The following PCDH9 variants were observed in gnomAD, a reference collection of about 807,000 sequenced individuals.
PCDH9 encodes protocadherin 9.
Under a neutral mutation model 70.6 loss-of-function variants are expected in PCDH9, and 24 were observed. The observed-to-expected ratio is 0.34, with a 90% confidence interval of 0.25 to 0.48. The LOEUF (loss-of-function observed/expected upper bound fraction) is 0.48, where lower values mean the gene tolerates loss of function less well. PCDH9 is among the 20% of genes least tolerant of loss of function. The pLI is 0.99. For synonymous variants in PCDH9, 562 were observed against 558.5 expected, an observed-to-expected ratio of 1.01 and a Z score of -0.09; for missense variants, 1,281 against 1,503.6, an observed-to-expected ratio of 0.85 and a Z score of 2.45.
intron 3 of PCDH9, among the ~76,000 whole-genome samples, chr13:66,806,677 A>C (rs2080415512): frequency 6.6e-6 from 1 of 152,154 alleles, no homozygotes; most frequent in South Asian, 2.1e-4. Flanking sequence ...ACTTTAAGTG[A>C]AGCACTTTAT....
At chr13:66,418,721 C>G (rs1957506274) in intron 4 of PCDH9, among the ~76,000 whole-genome samples, 1 of 151,596 alleles carries the variant, frequency 6.6e-6, no homozygotes, top group African/African-American at 2.4e-5. Context: ...TAGCAGAGGA[C>G]AAGAAATAAC....
chr13:67,181,269 T>C (rs905932914), intron 2 of PCDH9, among the ~76,000 whole-genome samples: 1 of 152,044 alleles, frequency 6.6e-6, no homozygotes, highest in African/African-American at 2.4e-5. Context: ...GTGCAAATAA[T>C]TTTTTTTCAA....
At chr13:66,326,455 G>C (rs933231256) in intron 4 of PCDH9, among the ~76,000 whole-genome samples, 4 of 149,772 alleles carry the variant, frequency 2.7e-5, no homozygotes, top group African/African-American at 9.8e-5. Flanking sequence ...GTCTTGCTCC[G>C]TCGCCCAGGC....
chr13:66,793,107 A>G (rs915507024), intron 3 of PCDH9, among the ~76,000 whole-genome samples: 2 of 149,900 alleles, frequency 1.3e-5, no homozygotes, highest in African/African-American at 4.9e-5. Context: ...CATGTAATAT[A>G]TGCTTATATA....
chr13:66,313,889 A>G (rs373197841), intron 4 of PCDH9, among the ~76,000 whole-genome samples: 52 of 152,326 alleles, frequency 3.4e-4, no homozygotes, highest in African/African-American at 1.3e-3. Flanking sequence ...TTAAAGACAT[A>G]ATAATTTATA....
At position 66,549,356 on chromosome 13, in the gene PCDH9, AT is replaced by A. The variant is rs1310077384; in HGVS notation, c.3340+81853del. On this transcript the variant is annotated intron_variant, in intron 4 of 4. Coordinates refer to ENST00000377865, the MANE Select transcript of PCDH9 (RefSeq NM_203487.3). ...TGGTAGAATTGCTTTTACTTTTGTG[AT>A]TTTTTTTTGAAGTGAAATTCAGCTT... is the stretch of plus-strand genomic sequence containing the variant. Among the ~76,000 whole-genome samples, 25 of 150,980 alleles carry A rather than the reference AT, an allele frequency of 1.7e-4. No individual in the cohort carries two copies. The East Asian group carries it at 2.1e-3, about 13-fold the overall frequency.
chr13:66,997,437 C>A (rs761308056), intron 2 of PCDH9, among the ~76,000 whole-genome samples: 23 of 152,172 alleles, frequency 1.5e-4, no homozygotes, highest in Non-Finnish European at 3.2e-4. Context: ...CAGCACCAAG[C>A]CATTCATGAG....
chr13:66,733,204 T>C (rs2079100304), intron 3 of PCDH9, among the ~76,000 whole-genome samples: 1 of 151,980 alleles, frequency 6.6e-6, no homozygotes, highest in Non-Finnish European at 1.5e-5. Context: ...TTAGGGAGTG[T>C]TTTCATTTAC....
At chr13:66,572,892 T>G (rs1213179187) in intron 4 of PCDH9, among the ~76,000 whole-genome samples, 4 of 152,138 alleles carry the variant, frequency 2.6e-5, no homozygotes, top group African/African-American at 9.7e-5. Context: ...CCCAAGGAGT[T>G]GGGACCACAG....
At chr13:66,524,601 T>C (rs182942215) in intron 4 of PCDH9, among the ~76,000 whole-genome samples, 1 of 152,132 alleles carries the variant, frequency 6.6e-6, no homozygotes, top group East Asian at 1.9e-4. Flanking sequence ...CAAAATAGTA[T>C]GGAGAAATCT....
rs1481217367 is a variant in PCDH9 at position 66,916,617 on chromosome 13, G to C, written c.3037-13012C>G. Among the ~76,000 whole-genome samples, 4 of 151,498 alleles carry C rather than the reference G, an allele frequency of 2.6e-5. 1 individual carries two copies. Among genetic ancestry groups the C allele is most frequent in the Non-Finnish European group, 5.9e-5 (4 of 67,652 alleles). On this transcript the variant is annotated intron_variant, in intron 2 of 4. Coordinates refer to ENST00000377865, the MANE Select transcript of PCDH9 (RefSeq NM_203487.3). ...AATAAAAATATAGCTCTGAGTCTAA[G>C]AGCTGTATATGTAATTTATTCATAT... is the stretch of plus-strand genomic sequence containing the variant.
chr13:67,060,143 T>C (rs1462389834), intron 2 of PCDH9, among the ~76,000 whole-genome samples: 2 of 151,994 alleles, frequency 1.3e-5, no homozygotes, highest in Non-Finnish European at 2.9e-5. Context: ...AAATAACACA[T>C]TGCTGGAAGA....
At chr13:66,988,926 T>C (rs562296608) in intron 2 of PCDH9, among the ~76,000 whole-genome samples, 1 of 152,066 alleles carries the variant, frequency 6.6e-6, no homozygotes, top group Non-Finnish European at 1.5e-5. Context: ...ATGTGCAAAG[T>C]TGCTAACACA....
intron 2 of PCDH9, among the ~76,000 whole-genome samples, chr13:67,079,073 G>A (rs1262531383): frequency 6.6e-6 from 1 of 151,886 alleles, no homozygotes; most frequent in East Asian, 1.9e-4. Flanking sequence ...ACTTTGGGAG[G>A]CCGAGGTGAG....
intron 4 of PCDH9, among the ~76,000 whole-genome samples, chr13:66,609,045 T>C (rs181194410): frequency 6.6e-6 from 1 of 152,318 alleles, no homozygotes; most frequent in East Asian, 1.9e-4. Context: ...TCAGGAATGC[T>C]GTTGAGTGCA....
chr13:66,572,622 C>G (rs2076748181), intron 4 of PCDH9, among the ~76,000 whole-genome samples: 1 of 152,162 alleles, frequency 6.6e-6, no homozygotes, highest in African/African-American at 2.4e-5. Context: ...CTGATAGCCA[C>G]TTAGGTTGAT....
chr13:66,473,537 C>T (rs1958661380), intron 4 of PCDH9, among the ~76,000 whole-genome samples: 1 of 151,998 alleles, frequency 6.6e-6, no homozygotes, highest in Non-Finnish European at 1.5e-5. Context: ...TTATCAATAA[C>T]TCCTGAATAA....
chr13:67,222,663 C>T (rs780747222), intron 2 of PCDH9: 5 of 152,078 alleles, frequency 3.3e-5, no homozygotes, highest in East Asian at 1.9e-4. Flanking sequence ...GAGCAATAGT[C>T]GTCACACAAC....
intron 2 of PCDH9, among the ~76,000 whole-genome samples, chr13:66,912,557 CAT>C (rs1449994363): frequency 1.8e-4 from 28 of 151,916 alleles, no homozygotes; most frequent in African/African-American, 6.8e-4. Flanking sequence ...CTTATGAATA[CAT>C]GTTTTATGTA....
Sources: allele counts gnomAD v4.1 joint callset (sites outside exome capture counted in the v4.1 genomes callset), GRCh38; gene constraint gnomAD v4.1.1; transcripts MANE v1.5; gene names NCBI Gene and HGNC (gene_info 2026-07-23, HGNC 2026-07-21).